The following ARPP21 variants were observed in gnomAD, a reference collection of about 807,000 sequenced individuals.
The protein encoded by ARPP21 is cAMP regulated phosphoprotein 21.
Under a neutral mutation model 113.2 loss-of-function variants are expected in ARPP21, and 69 were observed. The ratio of observed to expected loss-of-function variants is 0.61; its 90% CI spans 0.50 to 0.74. ARPP21 has a LOEUF of 0.74. Among genes scored for constraint, ARPP21 ranks in the 30% least tolerant of loss-of-function variants. The probability of loss-of-function intolerance (pLI) is 0.00; values close to 1 mark genes in which losing one functional copy is unlikely to be tolerated. For synonymous variants in ARPP21, 368 were observed against 375.5 expected (o/e 0.98, Z 0.23); for missense variants, 1,070 against 1,037.4 (o/e 1.03, Z -0.43).
At chr3:35,770,294 A>G (rs1043408014) in intron 19 of ARPP21, among the ~76,000 whole-genome samples, 24 of 152,128 alleles carry the variant, frequency 1.6e-4, no homozygotes, top group Non-Finnish European at 4.4e-5. Context: ...AACTTGTCCT[A>G]GGAAAGAGTG....
chr3:35,678,887 T>C (rs950978220), intron 1 of ARPP21: 3 of 151,920 alleles, frequency 2.0e-5, no homozygotes, highest in African/African-American at 7.2e-5. Context: ...ATTTAGCCGT[T>C]GTGCACCAGA....
intron 1 of ARPP21, among the ~76,000 whole-genome samples, chr3:35,669,093 A>G (rs182491902): frequency 6.6e-6 from 1 of 152,126 alleles, no homozygotes; most frequent in East Asian, 1.9e-4. Flanking sequence ...ACTTTCATAT[A>G]TTTGCAGGAG....
intron 6 of ARPP21, 147 bp from the exon 7 acceptor site, chr3:35,689,160 T>C (rs970714335): frequency 3.1e-6 from 2 of 647,712 alleles, no homozygotes; most frequent in Admixed American, 3.1e-5. Context: ...TATTGCCAGA[T>C]TGCTAGTTTT....
intron 11 of ARPP21, 62 bp from the exon 12 acceptor site, chr3:35,715,377 G>T: frequency 7.4e-7 from 1 of 1,345,512 alleles, no homozygotes. Context: ...AATCAGGCAA[G>T]TATTTGGGAT....
chr3:35,786,824 G>A (rs932925360), intron 19 of ARPP21, among the ~76,000 whole-genome samples: 4 of 152,006 alleles, frequency 2.6e-5, no homozygotes, highest in Middle Eastern at 3.2e-3. Flanking sequence ...TCTGCTTTAC[G>A]TGAGGGAGAA....
Position 35,743,883 on chromosome 3 carries a change from C to A in ARPP21, c.2055C>A (p.Thr685=). 1 of 1,614,134 alleles carries A rather than the reference C, an allele frequency of 6.2e-7. No homozygotes were observed. The highest frequency in any genetic ancestry group is 8.5e-7 in the Non-Finnish European group (1 of 1,179,944). ...CATCTGGTCAGTACCCTACCTCAAC[C>A]ACGCAACAGTACCGGCCCATGGCCC... ...YYPSGQYPTS[T]TQQYRPMAPV... Residue 685 remains threonine (T), a synonymous_variant, in exon 19 of 21, where the codon ACC becomes ACA. Transcript: ENST00000684406.
intron 1 of ARPP21, among the ~76,000 whole-genome samples, chr3:35,663,153 T>A (rs114063346): frequency 0.015 from 2,342 of 152,076 alleles, 59 homozygotes; most frequent in African/African-American, 0.053. Context: ...TAAAAAAAAA[T>A]AACAACAGAA....
At chr3:35,667,754 G>T (rs1277085947) in intron 1 of ARPP21, among the ~76,000 whole-genome samples, 2 of 151,544 alleles carry the variant, frequency 1.3e-5, no homozygotes, top group African/African-American at 4.9e-5. Flanking sequence ...ATGAAATTTT[G>T]CAATGGTATT....
intron 19 of ARPP21, among the ~76,000 whole-genome samples, chr3:35,779,368 A>G (rs1218033095): frequency 1.3e-5 from 2 of 152,188 alleles, no homozygotes; most frequent in Non-Finnish European, 2.9e-5. Flanking sequence ...CTAGTCTGCC[A>G]CATTTGGAGG....
At chr3:35,743,297 A>G (rs1441686192) in intron 18 of ARPP21, among the ~76,000 whole-genome samples, 2 of 152,236 alleles carry the variant, frequency 1.3e-5, no homozygotes, top group African/African-American at 4.8e-5. Flanking sequence ...TGTTTCATCT[A>G]AAAAACACAA....
chr3:35,717,297 G>A lies in ARPP21; in HGVS notation c.936-1G>A, dbSNP rs1370062062. 2 of 1,589,936 alleles carry A rather than the reference G, an allele frequency of 1.3e-6. No homozygotes were observed. The highest frequency in any genetic ancestry group is 1.3e-5 in the African/African-American group (1 of 74,366). ...ATAAAAATCATGTTTTTCATTTCCAGTAGGCTCTTGGAAGACAGTAACATA... is the reference window on the plus strand; with the variant it reads ...ATAAAAATCATGTTTTTCATTTCCAATAGGCTCTTGGAAGACAGTAACATA... On this transcript the variant is annotated splice_acceptor_variant, in intron 12 of 20. Transcript: ENST00000684406. LOFTEE classifies it high-confidence loss of function.
intron 1 of ARPP21, among the ~76,000 whole-genome samples, chr3:35,667,846 A>T (rs1054654985): frequency 0.017 from 1,679 of 96,690 alleles, 130 homozygotes; most frequent in African/African-American, 0.085. Context: ...TTCTCAAAGA[A>T]GAAGAAGAAG....
At chr3:35,765,964 G>T (rs973401311) in intron 19 of ARPP21, among the ~76,000 whole-genome samples, 1 of 152,124 alleles carries the variant, frequency 6.6e-6, no homozygotes, top group Non-Finnish European at 1.5e-5. Context: ...GGCATTTAGT[G>T]TTTGACACAT....
At position 35,690,117 on chromosome 3, in the gene ARPP21, T is replaced by C. The variant is rs771654638; in HGVS notation, c.522T>C (p.Ile174=). Residue 174 remains isoleucine, a synonymous_variant, in exon 8 of 21, where the codon ATT becomes ATC. Coordinates refer to ENST00000684406, the MANE Select transcript of ARPP21 (RefSeq NM_001385562.1). Reference sequence around the variant, plus strand: ...TACTTTTGAAAATGGAGCAGGAAATTATTGATTTCATTGCTGACAACAAGT... The same window carrying C: ...TACTTTTGAAAATGGAGCAGGAAATCATTGATTTCATTGCTGACAACAAGT... The part of the protein sequence containing the change: ...RMILLKMEQE[I]IDFIADNNNH... 6.7e-7 allele frequency: 1 copy of C among 1,495,714 alleles called. No homozygotes were observed. The highest frequency in any genetic ancestry group is 9.3e-7 in the Non-Finnish European group (1 of 1,073,728). 92.7% of individuals were successfully genotyped at this position (1,495,714 alleles called of 1,614,324 possible). A position where few individuals can be genotyped will look rare whatever the true frequency, so the allele number is the denominator to read the frequency against.
intron 15 of ARPP21, among the ~76,000 whole-genome samples, chr3:35,735,619 A>G (rs1163888813): frequency 1.3e-5 from 2 of 152,210 alleles, no homozygotes; most frequent in African/African-American, 4.8e-5. Flanking sequence ...AGAGCTCAGC[A>G]TGCTGCCTCC....
At chr3:35,778,467 G>A (rs960203146) in intron 19 of ARPP21, among the ~76,000 whole-genome samples, 9 of 152,132 alleles carry the variant, frequency 5.9e-5, no homozygotes, top group African/African-American at 2.2e-4. Flanking sequence ...GCTGGTTCTG[G>A]CAGGCAGCCC....
intron 19 of ARPP21, 187 bp from the exon 20 acceptor site, chr3:35,792,195 A>G: frequency 1.6e-6 from 1 of 614,908 alleles, no homozygotes; most frequent in Non-Finnish European, 2.9e-6. Context: ...TAAAGCCATA[A>G]TCTTGTTCAC....
chr3:35,738,395 T>C, intron 17 of ARPP21, 77 bp downstream of exon 17: 2 of 1,211,394 alleles, frequency 1.7e-6, no homozygotes. Context: ...TGTGTGCCAC[T>C]GGCTGACACT....
At position 35,792,441 on chromosome 3, in the gene ARPP21, C is replaced by A. The variant is rs2151924463; in HGVS notation, c.2197C>A (p.Pro733Thr). The change falls in exon 20 of 21, where the codon CCA becomes ACA. Residue 733 changes from proline to threonine, a missense_variant. Pro to Thr is a conservative substitution (Grantham distance 38). Coordinates refer to ENST00000684406, the MANE Select transcript of ARPP21 (RefSeq NM_001385562.1). ...CCAAGGCCTAATAGGAGTGCAGCAGCCACCTCAGAGTCAGAACGTGATAAA... is the reference window on the plus strand; with the variant it reads ...CCAAGGCCTAATAGGAGTGCAGCAGACACCTCAGAGTCAGAACGTGATAAA... ...GFQGLIGVQQ[P>T]PQSQNVINNQ... 2 of 1,613,730 alleles carry A rather than the reference C, an allele frequency of 1.2e-6. No individual in the cohort carries two copies. The highest frequency in any genetic ancestry group is 1.3e-5 in the African/African-American group (1 of 75,020).
Sources: allele counts gnomAD v4.1 joint callset (sites outside exome capture counted in the v4.1 genomes callset), GRCh38; gene constraint gnomAD v4.1.1; transcripts MANE v1.5; gene names NCBI Gene and HGNC (gene_info 2026-07-23, HGNC 2026-07-21).